RTN3: variants seen among roughly 807,000 people sequenced by gnomAD.
RTN3 encodes the protein reticulon 3, also known as reticulon-3.
RTN3 carries 49 observed loss-of-function variants against 77.8 expected under a neutral mutation model. That is an observed-to-expected ratio of 0.63 (90% CI 0.50 to 0.80). RTN3 has a LOEUF of 0.80. RTN3 is among the 30% of genes least tolerant of loss of function. The pLI is 0.00. For synonymous variants in RTN3, 464 were observed against 446.9 expected (o/e 1.04, Z -0.48); for missense variants, 1,236 against 1,211.9 (o/e 1.02, Z -0.29).
At chr11:63,689,402 G>A (rs1284090097) in intron 1 of RTN3, among the ~76,000 whole-genome samples, 1 of 152,172 alleles carries the variant, frequency 6.6e-6, no homozygotes, top group African/African-American at 2.4e-5. Flanking sequence ...AGAAGTGTGT[G>A]TGTTAAATAA....
chr11:63,753,734 A>G (rs142882734), intron 7 of RTN3, 26 bp downstream of exon 7: 1 of 1,603,414 alleles, frequency 6.2e-7, no homozygotes, highest in Non-Finnish European at 8.5e-7. Flanking sequence ...TTCCAAATCA[A>G]ATGTGCCAGT....
In RTN3 at chr11:63,719,840, A is replaced by G. The variant is rs1233033112; in HGVS notation, c.1338A>G (p.Thr446=). 1 of 1,614,006 alleles carries G rather than the reference A, an allele frequency of 6.2e-7. No homozygotes were observed. The highest frequency in any genetic ancestry group is 8.5e-7 in the Non-Finnish European group (1 of 1,180,002). Residue 446 remains threonine, a synonymous_variant, in exon 3 of 9, where the codon ACA becomes ACG. Transcript: ENST00000377819. ...VQGNMQKQDD[T]LAELPGSPPE... is the part of the protein sequence containing the mutation. ...GCAATATGCAGAAACAGGATGACAC[A>G]CTTGCAGAATTACCTGGATCTCCAC...
chr11:63,706,832 T>A (rs1021751490), intron 2 of RTN3, among the ~76,000 whole-genome samples: 1 of 152,064 alleles, frequency 6.6e-6, no homozygotes, highest in South Asian at 2.1e-4. Context: ...ATTTCCTCTC[T>A]TGTAAGTATT....
At chr11:63,740,708 A>G (rs775267184) in intron 3 of RTN3, among the ~76,000 whole-genome samples, 4 of 152,028 alleles carry the variant, frequency 2.6e-5, no homozygotes, top group Non-Finnish European at 5.9e-5. Context: ...CTGGGATTAC[A>G]GTCATGAGCC....
chr11:63,688,649 C>T (rs991524047), intron 1 of RTN3, among the ~76,000 whole-genome samples: 3 of 152,140 alleles, frequency 2.0e-5, no homozygotes, highest in Non-Finnish European at 4.4e-5. Context: ...ATTGTCATTT[C>T]TAAGGGGTTG....
chr11:63,702,676 GT>G (rs1019266773), intron 1 of RTN3, among the ~76,000 whole-genome samples: 2 of 142,376 alleles, frequency 1.4e-5, no homozygotes, highest in Non-Finnish European at 3.1e-5. Context: ...CTTTGTTTTT[GT>G]TTTTTTGTTT....
At chr11:63,688,816 T>C (rs1459064955) in intron 1 of RTN3, among the ~76,000 whole-genome samples, 1 of 152,220 alleles carries the variant, frequency 6.6e-6, no homozygotes, top group African/African-American at 2.4e-5. Flanking sequence ...GTCCTGTGCA[T>C]GTTTCAAGCC....
intron 2 of RTN3, among the ~76,000 whole-genome samples, chr11:63,710,785 A>G (rs933419600): frequency 7.2e-5 from 11 of 152,190 alleles, no homozygotes; most frequent in African/African-American, 2.2e-4. Flanking sequence ...TGTCCTCCTT[A>G]GGAAGTTCTG....
intron 3 of RTN3, among the ~76,000 whole-genome samples, chr11:63,732,101 A>AG (rs1245786078): frequency 1.3e-5 from 2 of 152,208 alleles, no homozygotes; most frequent in Non-Finnish European, 2.9e-5. Flanking sequence ...GAATAAAAAA[A>AG]CAAACAATAG....
intron 3 of RTN3, among the ~76,000 whole-genome samples, chr11:63,727,825 T>A (rs1350116503): frequency 2.0e-5 from 3 of 151,994 alleles, no homozygotes; most frequent in African/African-American, 2.4e-5. Flanking sequence ...GAGAGGAAAG[T>A]GAGAGAGAGA....
At chr11:63,715,216 T>A (rs557284177) in intron 2 of RTN3, among the ~76,000 whole-genome samples, 1 of 152,260 alleles carries the variant, frequency 6.6e-6, no homozygotes, top group African/African-American at 2.4e-5. Flanking sequence ...TTCTGTTTTA[T>A]TCACTGCTTT....
chr11:63,725,338 A>G (rs12797102), intron 3 of RTN3, among the ~76,000 whole-genome samples: 14,615 of 152,198 alleles, frequency 0.096, 949 homozygotes, highest in Non-Finnish European at 0.14. Flanking sequence ...GCTATGTAGT[A>G]ATCCATTATA....
chr11:63,689,843 C>T (rs540506189), intron 1 of RTN3, among the ~76,000 whole-genome samples: 8 of 151,878 alleles, frequency 5.3e-5, no homozygotes, highest in Non-Finnish European at 7.4e-5. Flanking sequence ...CTGCAACCTC[C>T]GCCCCCCGGG....
At chr11:63,732,098 AAAAC>A (rs749711994) in intron 3 of RTN3, among the ~76,000 whole-genome samples, 7 of 152,352 alleles carry the variant, frequency 4.6e-5, no homozygotes, top group African/African-American at 2.4e-5. Context: ...ATGGAATAAA[AAAAC>A]AAACAATAGA....
intron 3 of RTN3, among the ~76,000 whole-genome samples, chr11:63,721,338 G>T (rs1253834583): frequency 2.0e-5 from 3 of 152,144 alleles, no homozygotes; most frequent in Non-Finnish European, 2.9e-5. Context: ...ACTTTGGGAG[G>T]CCGAGACGGG....
At chr11:63,715,062 T>C (rs1341491155) in intron 2 of RTN3, among the ~76,000 whole-genome samples, 1 of 152,204 alleles carries the variant, frequency 6.6e-6, no homozygotes, top group Non-Finnish European at 1.5e-5. Context: ...GAATATTCTT[T>C]GGTTAGCATT....
intron 3 of RTN3, among the ~76,000 whole-genome samples, chr11:63,741,748 G>A (rs2013495106): frequency 6.6e-6 from 1 of 152,058 alleles, no homozygotes; most frequent in Admixed American, 6.6e-5. Flanking sequence ...TGATCTTCCC[G>A]CCTCAGCCTC....
intron 1 of RTN3, among the ~76,000 whole-genome samples, chr11:63,698,132 CTT>C (rs34408885): frequency 8.2e-5 from 12 of 145,474 alleles, no homozygotes; most frequent in Middle Eastern, 3.6e-3. Flanking sequence ...TTTTCATAGT[CTT>C]TTTTTTTTTT....
intron 3 of RTN3, among the ~76,000 whole-genome samples, chr11:63,743,739 A>C (rs528142867): frequency 3.9e-5 from 6 of 151,956 alleles, no homozygotes; most frequent in African/African-American, 1.2e-4. Flanking sequence ...ACATGGTGAA[A>C]CCCTGTCTCT....
Sources: gnomAD v4.1 joint callset for allele counts (sites outside exome capture counted in the v4.1 genomes callset) on GRCh38, gnomAD v4.1.1 for gene constraint, MANE v1.5 for transcripts, NCBI Gene and HGNC (gene_info 2026-07-23, HGNC 2026-07-21) for gene names.